METTL4: variants seen among roughly 807,000 people sequenced by gnomAD.
METTL4 encodes the protein N(6)-adenine-specific methyltransferase METTL4.
Under a neutral mutation model 54.0 loss-of-function variants are expected in METTL4, and 40 were observed. The ratio of observed to expected loss-of-function variants is 0.74; its 90% confidence interval spans 0.58 to 0.96. METTL4 has a LOEUF of 0.96. Among genes scored for constraint, METTL4 ranks in the 50% least tolerant of loss-of-function variants. The pLI, the probability that METTL4 is intolerant of heterozygous loss-of-function variation, is 0.00. For synonymous variants in METTL4, 169 were observed against 183.8 expected (o/e 0.92, Z 0.65); for missense variants, 525 against 549.0 (o/e 0.96, Z 0.44).
At chr18:2,543,597 A>T (rs1343632831) in intron 8 of METTL4, among the ~76,000 whole-genome samples, 1 of 152,210 alleles carries the variant, frequency 6.6e-6, no homozygotes, top group African/African-American at 2.4e-5. Context: ...TCCCAGAGCC[A>T]GGATTCAAAA....
chr18:2,560,265 GAA>G (rs2072296693), intron 3 of METTL4, among the ~76,000 whole-genome samples: 1 of 151,908 alleles, frequency 6.6e-6, no homozygotes, highest in Non-Finnish European at 1.5e-5. Context: ...AAAGAAAAAA[GAA>G]AAGAGGAAAA....
At chr18:2,566,256 A>C (rs971895478) in intron 2 of METTL4, among the ~76,000 whole-genome samples, 3 of 152,042 alleles carry the variant, frequency 2.0e-5, no homozygotes, top group Non-Finnish European at 2.9e-5. Context: ...AAAAGATTGC[A>C]CCAGTGTGAA....
At chr18:2,571,066 T>C (rs939902310) in intron 1 of METTL4, 83 bp downstream of exon 1, 2 of 152,222 alleles carry the variant, frequency 1.3e-5, no homozygotes, top group African/African-American at 4.8e-5. Flanking sequence ...AGTGATCAAA[T>C]ACTGAGCCCG....
intron 5 of METTL4, among the ~76,000 whole-genome samples, chr18:2,548,124 C>T (rs758260498): frequency 3.9e-5 from 6 of 152,172 alleles, no homozygotes; most frequent in Admixed American, 6.5e-5. Context: ...TTGCTTTTTG[C>T]CTTCTCAGTC....
chr18:2,564,513 T>C, intron 2 of METTL4, among the ~76,000 whole-genome samples: 1 of 150,058 alleles, frequency 6.7e-6, no homozygotes, highest in East Asian at 1.9e-4. Context: ...GGTGCTATCA[T>C]CAAAAGAAAT....
At position 2,560,187 on chromosome 18, in the gene METTL4, C is replaced by T. The variant is rs541394294; in HGVS notation, c.459+3610G>A. ...ACAATTAAAACACAACACATCGGAA[C>T]GTACATGATGTTGCTAAAGCTGTGC... On this transcript the variant is annotated intron_variant, in intron 3 of 8. Transcript: ENST00000574538. 2.5e-4 allele frequency among the ~76,000 whole-genome samples: 38 copies of T among 152,150 alleles called. No homozygotes were observed. The South Asian group carries it at 6.4e-3, about 26-fold the overall frequency.
At chr18:2,557,442 C>A (rs372469095) in intron 3 of METTL4, among the ~76,000 whole-genome samples, 4 of 152,306 alleles carry the variant, frequency 2.6e-5, no homozygotes, top group African/African-American at 9.6e-5. Context: ...AGTCTCTGAG[C>A]AGAGGCACTG....
chr18:2,551,569 C>T (rs2072161034), intron 5 of METTL4, among the ~76,000 whole-genome samples: 2 of 152,030 alleles, frequency 1.3e-5, no homozygotes, highest in South Asian at 4.1e-4. Context: ...TAGTGGCATA[C>T]ACCTGTAGTC....
rs2072036978 is a variant in METTL4, at chr18:2,544,263, G to A, written c.1205C>T (p.Pro402Leu). Residue 402 changes from proline (P) to leucine (L), a missense_variant, in exon 8 of 9, where the codon CCC becomes CTC. Pro to Leu is a moderately conservative substitution (Grantham distance 98, BLOSUM62 -3). Coordinates refer to ENST00000574538, the MANE Select transcript of METTL4 (RefSeq NM_022840.5). ...PLRNADVNVL[P>L]IPDHKLIVSV... ...GACAATTAATTTGTGGTCTGGAATG[G>A]GGAGCACGTTTACATCTGCATTCCT... is the stretch of plus-strand genomic sequence containing the variant. The A allele has an allele frequency of 1.2e-6, 2 of 1,612,642 alleles. No homozygotes were observed. The highest frequency in any genetic ancestry group is 1.1e-5 in the South Asian group (1 of 90,914).
At position 2,544,683 on chromosome 18, in the gene METTL4, C is replaced by T. The variant is rs372978925; in HGVS notation, c.1151G>A (p.Arg384Lys). Residue 384 changes from arginine (R) to lysine (K), a missense_variant, in exon 7 of 9, where the codon AGG becomes AAG. Arg to Lys is a conservative substitution (Grantham distance 26). Transcript: ENST00000574538. ...TGGTAGAGCAGTTTTTTCTTGAACCCTCCCCAGTATAAGACCTTCGTAGGG... is the reference window on the plus strand; with the variant it reads ...TGGTAGAGCAGTTTTTTCTTGAACCTTCCCCAGTATAAGACCTTCGTAGGG... ...KKPYEGLILG[R>K]VQEKTALPLR... 1.4e-5 allele frequency: 22 copies of T among 1,611,830 alleles called. No homozygotes were observed. In the African/African-American group the frequency reaches 1.6e-4, roughly 12 times the overall value.
chr18:2,563,372 G>A (rs893290532), intron 3 of METTL4, among the ~76,000 whole-genome samples: 3 of 151,982 alleles, frequency 2.0e-5, no homozygotes, highest in African/African-American at 7.3e-5. Flanking sequence ...GCTGGCGGAT[G>A]GCCAGAGCTC....
chr18:2,557,082 T>C (rs1178881677), intron 3 of METTL4, among the ~76,000 whole-genome samples: 4 of 151,750 alleles, frequency 2.6e-5, no homozygotes, highest in East Asian at 1.9e-4. Flanking sequence ...TTCCAGGCCA[T>C]AGAAAGGAAG....
intron 1 of METTL4, among the ~76,000 whole-genome samples, chr18:2,570,393 A>G (rs1220805667): frequency 6.6e-6 from 1 of 152,226 alleles, no homozygotes; most frequent in Non-Finnish European, 1.5e-5. Flanking sequence ...AATACAAGCA[A>G]TTATTTCTGT....
In METTL4 at chr18:2,555,070, C is replaced by T. The variant is rs184375909; in HGVS notation, c.460-32G>A. 3.0e-5 allele frequency: 47 copies of T among 1,590,306 alleles called. No individual in the cohort carries two copies. The East Asian group carries it at 4.7e-4, about 16-fold the overall frequency. On this transcript the variant is annotated intron_variant, in intron 3 of 8. Coordinates refer to ENST00000574538, the MANE Select transcript of METTL4 (RefSeq NM_022840.5). Reference sequence around the variant, plus strand: ...GAGAATTTTAAGTACATTAAAAGAACGTTGACATTAAAAAAGAACATTGAC... The same window carrying T: ...GAGAATTTTAAGTACATTAAAAGAATGTTGACATTAAAAAAGAACATTGAC...
At chr18:2,566,657 G>T in intron 2 of METTL4, 164 bp downstream of exon 2, 1 of 460,428 alleles carries the variant, frequency 2.2e-6, no homozygotes, top group Non-Finnish European at 3.5e-6. Flanking sequence ...AAGAATAGTT[G>T]AAGCTAGAAA....
At chr18:2,555,066 A>G in intron 3 of METTL4, 28 bp from the exon 4 acceptor site, 1 of 1,596,434 alleles carries the variant, frequency 6.3e-7, no homozygotes, top group African/African-American at 1.4e-5. Context: ...GTACATTAAA[A>G]GAACGTTGAC....
chr18:2,565,891 C>T (rs2072403407), intron 2 of METTL4, among the ~76,000 whole-genome samples: 1 of 151,722 alleles, frequency 6.6e-6, no homozygotes, highest in African/African-American at 2.4e-5. Flanking sequence ...ACTAAAAATA[C>T]AAAAAATTAG....
At chr18:2,557,866 C>T (rs1366965713) in intron 3 of METTL4, among the ~76,000 whole-genome samples, 1 of 152,148 alleles carries the variant, frequency 6.6e-6, no homozygotes, top group African/African-American at 2.4e-5. Context: ...TTGTTAGCTT[C>T]CAAATAGGGT....
At chr18:2,569,306 A>T (rs1261325754) in intron 1 of METTL4, among the ~76,000 whole-genome samples, 1 of 152,208 alleles carries the variant, frequency 6.6e-6, no homozygotes, top group Non-Finnish European at 1.5e-5. Context: ...GTCCATTTGA[A>T]TTATGTAAGT....
Sources: allele counts gnomAD v4.1 joint callset (sites outside exome capture counted in the v4.1 genomes callset), GRCh38; gene constraint gnomAD v4.1.1; transcripts MANE v1.5; gene names NCBI Gene and HGNC (gene_info 2026-07-23, HGNC 2026-07-21).